The following CUX2 variants were observed in gnomAD, a reference collection of about 807,000 sequenced individuals.
CUX2 encodes cut like homeobox 2.
CUX2 carries 40 observed loss-of-function variants against 144.8 expected under a neutral mutation model. That is an observed-to-expected ratio of 0.28 (90% confidence interval 0.21 to 0.36). The LOEUF (loss-of-function observed/expected upper bound fraction) is 0.36. CUX2 is among the 10% of genes least tolerant of loss of function. CUX2 has a pLI of 1.00. For synonymous variants in CUX2, 827 were observed against 875.6 expected, an observed-to-expected ratio of 0.94 and a Z score of 0.98; for missense variants, 1,615 against 1,994.0, an observed-to-expected ratio of 0.81 and a Z score of 3.62.
intron 4 of CUX2, 80 bp from the exon 5 acceptor site, chr12:111,291,338 C>T (rs368545190): frequency 2.0e-6 from 3 of 1,478,580 alleles, no homozygotes; most frequent in African/African-American, 1.4e-5. Flanking sequence ...TCCTGTGGAA[C>T]CTGCCAGGCC....
intron 4 of CUX2, among the ~76,000 whole-genome samples, chr12:111,264,846 T>C (rs1413605439): frequency 6.6e-6 from 1 of 152,090 alleles, no homozygotes; most frequent in African/African-American, 2.4e-5. Flanking sequence ...GGCCACATAG[T>C]GTAGGATTTC....
At chr12:111,121,752 T>C (rs2136097262) in intron 1 of CUX2, among the ~76,000 whole-genome samples, 1 of 152,222 alleles carries the variant, frequency 6.6e-6, no homozygotes, top group East Asian at 1.9e-4. Flanking sequence ...CCCATTGAAA[T>C]ATGACTGTAT....
chr12:111,327,330 T>C (rs915662243), intron 18 of CUX2, among the ~76,000 whole-genome samples: 3 of 152,236 alleles, frequency 2.0e-5, no homozygotes, highest in Non-Finnish European at 4.4e-5. Flanking sequence ...AATGCGCCTA[T>C]GAAAATTTGT....
At position 111,316,504 on chromosome 12, in the gene CUX2, C is replaced by CA. The variant is rs1236490443; in HGVS notation, c.2003-3507dup. Among the ~76,000 whole-genome samples, 13 of 137,764 alleles carry CA rather than the reference C, an allele frequency of 9.4e-5. No homozygotes were observed. The Admixed American group carries it at 9.9e-4, about 11-fold the overall frequency. The allele number at this position is 137,764 out of a possible 152,430, so 90.4% of individuals were successfully genotyped here. On this transcript the variant is annotated intron_variant, in intron 16 of 21. Transcript: ENST00000261726. ...TAGCTCTGTCGCCCAGGCTGGAGTG[C>CA]AGTGGTGTGATCTCGGCTCACTGCA...
Position 111,035,592 on chromosome 12 carries a change from C to T in CUX2, c.63+1352C>T, listed in dbSNP as rs1181215180. ...TCGCGGAAGACGCGAGATCATCAGT[C>T]TGGAGATAAAAAGGGACCCACTTTT... On this transcript the variant is annotated intron_variant, in intron 1 of 21. Coordinates refer to ENST00000261726, the MANE Select transcript of CUX2 (RefSeq NM_015267.4). This position sits in a 1 kb window ranked among gnomAD's most constrained non-coding sequence, Gnocchi z 6.0. 1.4e-5 allele frequency among the ~76,000 whole-genome samples: 2 copies of T among 145,990 alleles called. No homozygotes were observed. The highest frequency in any genetic ancestry group is 5.1e-5 in the African/African-American group (2 of 38,984).
intron 1 of CUX2, among the ~76,000 whole-genome samples, chr12:111,135,749 A>G (rs1875838941): frequency 6.6e-6 from 1 of 152,252 alleles, no homozygotes; most frequent in African/African-American, 2.4e-5. Flanking sequence ...GTAGCGTAGG[A>G]TTCCATTTAT....
At chr12:111,252,243 GCA>G (rs1176855022) in intron 3 of CUX2, among the ~76,000 whole-genome samples, 1 of 152,194 alleles carries the variant, frequency 6.6e-6, no homozygotes, top group Non-Finnish European at 1.5e-5. Context: ...TAGAATCAAT[GCA>G]CAACTGAGTT....
chr12:111,298,243 G>A (rs1290053448), intron 8 of CUX2, among the ~76,000 whole-genome samples: 2 of 152,178 alleles, frequency 1.3e-5, no homozygotes, highest in Admixed American at 1.3e-4. Context: ...TTAAAGCCGG[G>A]GGCTGTTCTC....
chr12:111,052,315 A>G (rs1870309344), intron 1 of CUX2, among the ~76,000 whole-genome samples: 1 of 152,138 alleles, frequency 6.6e-6, no homozygotes. Context: ...TCTGTGGGTT[A>G]CTGATGAACA....
chr12:111,083,849 C>T (rs563774808), intron 1 of CUX2, among the ~76,000 whole-genome samples: 65 of 152,260 alleles, frequency 4.3e-4, no homozygotes, highest in African/African-American at 1.5e-3. Context: ...CTGCCATCCA[C>T]AGGGCAGCCC....
chr12:111,286,411 C>T (rs1280539380), intron 4 of CUX2, among the ~76,000 whole-genome samples: 1 of 152,186 alleles, frequency 6.6e-6, no homozygotes, highest in African/African-American at 2.4e-5. Flanking sequence ...TACTGCCTCT[C>T]TCAATATCTT....
Position 111,320,288 on chromosome 12 carries a change from C to T in CUX2, c.2279C>T (p.Pro760Leu), listed in dbSNP as rs971838470. Residue 760 changes from proline to leucine, a missense_variant, in exon 17 of 22, where the codon CCG (proline) becomes CTG (leucine). This residue lies in a region of CUX2 where 390 missense variants were observed against 387.1 expected (regional missense o/e 1.01). Coordinates refer to ENST00000261726, the MANE Select transcript of CUX2 (RefSeq NM_015267.4). This position sits in a 1 kb window ranked among gnomAD's most constrained non-coding sequence, Gnocchi z 8.1. ...GSGGPAQAPLPVLSPAAFVQS... is the reference protein window; with the variant it reads ...GSGGPAQAPLLVLSPAAFVQS... ...GGGGGCCCCGCGCAGGCGCCGCTCC[C>T]GGTCCTGTCCCCCGCCGCCTTCGTG... 6 of 1,596,610 alleles carry T rather than the reference C, an allele frequency of 3.8e-6. No individual in the cohort carries two copies. The highest frequency in any genetic ancestry group is 5.1e-6 in the Non-Finnish European group (6 of 1,178,594).
intron 9 of CUX2, among the ~76,000 whole-genome samples, chr12:111,300,322 T>C (rs1477108103): frequency 6.6e-6 from 1 of 152,198 alleles, no homozygotes; most frequent in Admixed American, 6.5e-5. Context: ...GGTTTTGCCA[T>C]GTTGCCCAGG....
intron 21 of CUX2, among the ~76,000 whole-genome samples, chr12:111,342,817 G>A (rs1478745236): frequency 6.6e-6 from 1 of 151,788 alleles, no homozygotes; most frequent in Non-Finnish European, 1.5e-5. Flanking sequence ...AAATTAGCTG[G>A]ACGTGGTGGT....
At chr12:111,308,943 C>T (rs759577393) in intron 14 of CUX2, among the ~76,000 whole-genome samples, 14 of 152,076 alleles carry the variant, frequency 9.2e-5, no homozygotes, top group Non-Finnish European at 1.5e-4. Flanking sequence ...CTCTCTCTGT[C>T]GCCCAGGCTG....
At chr12:111,046,233 C>T (rs1869989198) in intron 1 of CUX2, among the ~76,000 whole-genome samples, 3 of 152,372 alleles carry the variant, frequency 2.0e-5, no homozygotes, top group South Asian at 4.1e-4. Flanking sequence ...CTTGGCAGGG[C>T]TTAGCAAGGC....
chr12:111,271,816 A>G (rs1056865967), intron 4 of CUX2, among the ~76,000 whole-genome samples: 5 of 152,100 alleles, frequency 3.3e-5, no homozygotes, highest in Admixed American at 3.3e-4. Context: ...TCTACCAGAG[A>G]GTAGATTATT....
intron 1 of CUX2, among the ~76,000 whole-genome samples, chr12:111,185,196 A>G (rs1879453062): frequency 6.6e-6 from 1 of 152,270 alleles, no homozygotes; most frequent in Non-Finnish European, 1.5e-5. Flanking sequence ...AAAGGTGGGC[A>G]CCTCTGGAGG....
At chr12:111,275,186 G>A (rs987540732) in intron 4 of CUX2, among the ~76,000 whole-genome samples, 1 of 152,102 alleles carries the variant, frequency 6.6e-6, no homozygotes, top group Non-Finnish European at 1.5e-5. Flanking sequence ...GATGTGTGTC[G>A]GACAAAGGCG....
Sources: allele counts gnomAD v4.1 joint callset (sites outside exome capture counted in the v4.1 genomes callset), GRCh38; gene constraint gnomAD v4.1.1; regional missense constraint gnomAD v4.1.1; non-coding constraint Gnocchi (gnomAD v3.1); transcripts MANE v1.5; gene names NCBI Gene and HGNC (gene_info 2026-07-23, HGNC 2026-07-21).